Variants in WDPCP observed in about 807,000 individuals in gnomAD.
The protein encoded by WDPCP is WD repeat containing planar cell polarity effector, also known as WD repeat-containing and planar cell polarity effector protein fritz homolog.
A neutral mutation model predicts 93.1 loss-of-function variants in WDPCP; 71 were observed. The ratio of observed to expected loss-of-function variants is 0.76; its 90% CI spans 0.63 to 0.93. WDPCP has a LOEUF of 0.93. Ranked by LOEUF, WDPCP falls within the 40% of genes least tolerant of loss-of-function variation. The pLI is 0.00. For synonymous variants in WDPCP, 315 were observed against 315.0 expected (o/e 1.00, Z 0.00); for missense variants, 844 against 887.4 (o/e 0.95, Z 0.62).
At chr2:63,604,151 T>TA (rs1241206911) in intron 3 of WDPCP, among the ~76,000 whole-genome samples, 4 of 152,228 alleles carry the variant, frequency 2.6e-5, no homozygotes, top group Non-Finnish European at 5.9e-5. Flanking sequence ...TCCTGATATA[T>TA]AAAATGAGGA....
At chr2:63,199,219 T>A (rs1055817776) in intron 14 of WDPCP, among the ~76,000 whole-genome samples, 1 of 152,216 alleles carries the variant, frequency 6.6e-6, no homozygotes, top group Admixed American at 6.5e-5. Flanking sequence ...GTGTAAAAGT[T>A]TGCAAAATTT....
intron 6 of WDPCP, among the ~76,000 whole-genome samples, chr2:63,453,034 C>G (rs965975689): frequency 6.6e-6 from 1 of 152,172 alleles, no homozygotes; most frequent in African/African-American, 2.4e-5. Context: ...TAGGCATGGA[C>G]AAGGACTTCA....
chr2:63,563,680 G>C (rs578140093), intron 1 of WDPCP, among the ~76,000 whole-genome samples: 72 of 152,148 alleles, frequency 4.7e-4, no homozygotes, highest in Middle Eastern at 3.4e-3. Flanking sequence ...AGGCAATTCA[G>C]GTTAAATTGA....
At chr2:63,142,408 G>A (rs1477753227) in intron 17 of WDPCP, among the ~76,000 whole-genome samples, 1 of 152,158 alleles carries the variant, frequency 6.6e-6, no homozygotes, top group Non-Finnish European at 1.5e-5. Flanking sequence ...GCTCATTCAG[G>A]AGGACGTTAT....
At chr2:63,161,111 G>A (rs923641301) in intron 15 of WDPCP, among the ~76,000 whole-genome samples, 17 of 152,124 alleles carry the variant, frequency 1.1e-4, no homozygotes, top group Non-Finnish European at 2.9e-5. Context: ...TAATAGATAT[G>A]GTCTGTAAGG....
chr2:63,370,916 C>T (rs562267682), intron 12 of WDPCP, among the ~76,000 whole-genome samples: 1 of 151,602 alleles, frequency 6.6e-6, no homozygotes, highest in Non-Finnish European at 1.5e-5. Context: ...AAACTTCCTT[C>T]CTTCTTTCTT....
chr2:63,122,813 T>G (rs1041749936), intron 17 of WDPCP, among the ~76,000 whole-genome samples: 1 of 152,178 alleles, frequency 6.6e-6, no homozygotes, highest in African/African-American at 2.4e-5. Flanking sequence ...TATCATGTCA[T>G]AATTGGAGAC....
chr2:63,311,408 GTA>G, intron 13 of WDPCP, among the ~76,000 whole-genome samples: 1 of 152,260 alleles, frequency 6.6e-6, no homozygotes, highest in South Asian at 2.1e-4. Context: ...AACCTTAAAT[GTA>G]TATAGTAGAT....
intron 3 of WDPCP, chr2:63,604,923 G>C: frequency 6.3e-7 from 1 of 1,583,636 alleles, no homozygotes; most frequent in Non-Finnish European, 8.6e-7. Flanking sequence ...GAACTCTTGA[G>C]AGACTCTTAG....
the WDPCP span, among the ~76,000 whole-genome samples, chr2:63,834,058 TAA>T: frequency 1.3e-5 from 2 of 152,214 alleles, no homozygotes; most frequent in South Asian, 4.1e-4. Flanking sequence ...AGGAAACTGG[TAA>T]AACCTTCAGC....
Position 63,246,290 on chromosome 2 carries a change from G to A in WDPCP, c.1915+13017C>T, listed in dbSNP as rs974752935. Among the ~76,000 whole-genome samples, 8 of 152,074 alleles carry A rather than the reference G, an allele frequency of 5.3e-5. No homozygotes were observed. The East Asian group carries it at 5.8e-4, about 11-fold the overall frequency. ...ATCACCAGGGCCATCTTTCCTGGTC[G>A]GTTTCATAAACATTTTACACCAGTG... On this transcript the variant is annotated intron_variant, in intron 14 of 17. Transcript: ENST00000272321.
chr2:63,346,960 G>C (rs902309269), intron 12 of WDPCP, among the ~76,000 whole-genome samples: 3 of 152,110 alleles, frequency 2.0e-5, no homozygotes, highest in Non-Finnish European at 4.4e-5. Flanking sequence ...AGTGCATTTT[G>C]TCCAGTTTAA....
chr2:63,622,477 C>T, intron 3 of WDPCP: 1 of 1,613,966 alleles, frequency 6.2e-7, no homozygotes, highest in Non-Finnish European at 8.5e-7. Context: ...CCGCTGTTGT[C>T]AGAGTTCACA....
At chr2:63,183,747 T>C (rs1335557802) in intron 14 of WDPCP, among the ~76,000 whole-genome samples, 1 of 152,158 alleles carries the variant, frequency 6.6e-6, no homozygotes, top group African/African-American at 2.4e-5. Context: ...ACCATTATTA[T>C]ATTGCTGTCT....
intron 10 of WDPCP, among the ~76,000 whole-genome samples, chr2:63,382,910 G>T (rs1408529641): frequency 1.3e-5 from 2 of 152,112 alleles, no homozygotes; most frequent in Non-Finnish European, 2.9e-5. Context: ...CAGCCTTCAT[G>T]AGCCTGCAGT....
intron 3 of WDPCP, among the ~76,000 whole-genome samples, chr2:63,606,460 T>C (rs1450567611): frequency 6.6e-6 from 1 of 152,214 alleles, no homozygotes; most frequent in Non-Finnish European, 1.5e-5. Context: ...TAAAACTATA[T>C]GTATTTCAGC....
At chr2:63,511,363 C>G (rs926451405) in intron 1 of WDPCP, among the ~76,000 whole-genome samples, 1 of 152,140 alleles carries the variant, frequency 6.6e-6, no homozygotes, top group East Asian at 1.9e-4. Flanking sequence ...ATCAAGCTAC[C>G]ATTGACTTTC....
intron 13 of WDPCP, among the ~76,000 whole-genome samples, chr2:63,297,449 C>T (rs1684956824): frequency 6.6e-6 from 1 of 152,174 alleles, no homozygotes; most frequent in African/African-American, 2.4e-5. Context: ...CCATACACTC[C>T]ACCCTAACAT....
At chr2:63,240,337 C>T (rs760048959) in intron 14 of WDPCP, among the ~76,000 whole-genome samples, 42 of 152,024 alleles carry the variant, frequency 2.8e-4, no homozygotes, top group South Asian at 6.2e-4. Flanking sequence ...GCCACCACCC[C>T]GAGCTAGCTT....
Sources: allele counts gnomAD v4.1 joint callset (sites outside exome capture counted in the v4.1 genomes callset), GRCh38; gene constraint gnomAD v4.1.1; transcripts MANE v1.5; gene names NCBI Gene and HGNC (gene_info 2026-07-23, HGNC 2026-07-21).